The following MAML2 variants were observed in gnomAD, a reference collection of about 807,000 sequenced individuals.
MAML2 encodes mastermind like transcriptional coactivator 2.
MAML2 carries 22 observed loss-of-function variants against 96.1 expected under a neutral mutation model. That is an observed-to-expected ratio of 0.23 (90% CI 0.16 to 0.33). MAML2 has a LOEUF of 0.33. MAML2 is among the 10% of genes least tolerant of loss of function. The pLI is 1.00. For synonymous variants in MAML2, 561 were observed against 521.3 expected (o/e 1.08, Z -1.04); for missense variants, 1,367 against 1,392.4 (o/e 0.98, Z 0.29).
chr11:96,020,620 G>A (rs1161765837), intron 2 of MAML2, among the ~76,000 whole-genome samples: 4 of 152,230 alleles, frequency 2.6e-5, no homozygotes, highest in African/African-American at 9.6e-5. Flanking sequence ...CAGGCCACGT[G>A]TGAACTGATG....
At chr11:96,181,521 T>C (rs1018108936) in intron 1 of MAML2, among the ~76,000 whole-genome samples, 1 of 152,202 alleles carries the variant, frequency 6.6e-6, no homozygotes, top group Non-Finnish European at 1.5e-5. Context: ...AATAGGAAAA[T>C]CTTCCTTTAC....
At chr11:96,213,911 C>T (rs1040497306) in intron 1 of MAML2, among the ~76,000 whole-genome samples, 1 of 152,098 alleles carries the variant, frequency 6.6e-6, no homozygotes, top group Non-Finnish European at 1.5e-5. Context: ...AGTCTCCAGA[C>T]GACAGGATCA....
chr11:96,274,143 C>T (rs1469781276), intron 1 of MAML2, among the ~76,000 whole-genome samples: 7 of 144,486 alleles, frequency 4.8e-5, no homozygotes, highest in South Asian at 4.3e-4. Context: ...AGTGCAGCGG[C>T]GCCATCTTGG....
At chr11:96,056,274 T>C (rs1432913198) in intron 2 of MAML2, among the ~76,000 whole-genome samples, 4 of 151,786 alleles carry the variant, frequency 2.6e-5, no homozygotes, top group African/African-American at 9.7e-5. Context: ...AGTGGTGGGG[T>C]CTGGAGCTAG....
intron 2 of MAML2, among the ~76,000 whole-genome samples, chr11:96,061,617 T>C (rs2135779179): frequency 6.6e-6 from 1 of 152,248 alleles, no homozygotes; most frequent in South Asian, 2.1e-4. Context: ...ATGACATGAA[T>C]AAAGAGCAGA....
chr11:96,016,741 T>TA lies in MAML2; in HGVS notation c.2140-25019dup, dbSNP rs764215722. The stretch of plus-strand genomic sequence containing the variant: ...GTGGAATTATGGACTTTAGGGACAT[T>TA]AAAAAAGGGTCCATATAATAACTAT... On this transcript the variant is annotated intron_variant, in intron 2 of 4. Coordinates refer to ENST00000524717, the MANE Select transcript of MAML2 (RefSeq NM_032427.4). Among the ~76,000 whole-genome samples, 3 of 152,156 alleles carry TA rather than the reference T, an allele frequency of 2.0e-5. No homozygotes were observed. In the East Asian group the frequency reaches 5.8e-4, roughly 29 times the overall value.
intron 1 of MAML2, among the ~76,000 whole-genome samples, chr11:96,138,550 C>A (rs1053275344): frequency 6.6e-6 from 1 of 152,084 alleles, no homozygotes; most frequent in African/African-American, 2.4e-5. Flanking sequence ...TGCTAATGGG[C>A]GATCTTATTG....
intron 2 of MAML2, among the ~76,000 whole-genome samples, chr11:96,067,671 G>A (rs1859266239): frequency 6.6e-6 from 1 of 151,912 alleles, no homozygotes; most frequent in African/African-American, 2.4e-5. Context: ...GATTTGTTAT[G>A]AGAAATCTAC....
At chr11:96,010,729 T>A (rs928495990) in intron 2 of MAML2, among the ~76,000 whole-genome samples, 2 of 152,182 alleles carry the variant, frequency 1.3e-5, no homozygotes, top group Non-Finnish European at 2.9e-5. Flanking sequence ...AGATTGCATT[T>A]GTTAGAAAGA....
At chr11:96,159,575 G>A (rs957833499) in intron 1 of MAML2, among the ~76,000 whole-genome samples, 1 of 151,808 alleles carries the variant, frequency 6.6e-6, no homozygotes, top group African/African-American at 2.4e-5. Flanking sequence ...ACAGGCGCCC[G>A]CCACCATGCC....
intron 1 of MAML2, among the ~76,000 whole-genome samples, chr11:96,336,119 T>G (rs1193986537): frequency 6.6e-6 from 1 of 152,172 alleles, no homozygotes; most frequent in Non-Finnish European, 1.5e-5. Flanking sequence ...ACAAAATTAT[T>G]TTCTCATATT....
chr11:96,284,755 AAT>A (rs1330472971), intron 1 of MAML2, among the ~76,000 whole-genome samples: 1 of 152,220 alleles, frequency 6.6e-6, no homozygotes, highest in African/African-American at 2.4e-5. Context: ...AATTTGGATC[AAT>A]GTCTTATCTT....
At chr11:96,190,608 G>A (rs1861639502) in intron 1 of MAML2, among the ~76,000 whole-genome samples, 1 of 152,052 alleles carries the variant, frequency 6.6e-6, no homozygotes, top group South Asian at 2.1e-4. Context: ...CTGGAACTGG[G>A]GCCAATAAAA....
chr11:96,084,873 G>C (rs1372610048), intron 2 of MAML2, among the ~76,000 whole-genome samples: 1 of 152,142 alleles, frequency 6.6e-6, no homozygotes, highest in Non-Finnish European at 1.5e-5. Flanking sequence ...CTGAACTTAA[G>C]AGCCCGTGAA....
chr11:96,151,864 C>T (rs1052428517), intron 1 of MAML2, among the ~76,000 whole-genome samples: 1 of 152,178 alleles, frequency 6.6e-6, no homozygotes, highest in East Asian at 1.9e-4. Context: ...GAGACTAATA[C>T]AGCCCTTAGG....
intron 2 of MAML2, among the ~76,000 whole-genome samples, chr11:96,015,111 T>C (rs1858323432): frequency 6.6e-6 from 1 of 152,148 alleles, no homozygotes; most frequent in African/African-American, 2.4e-5. Context: ...AAAGTCTATC[T>C]CAGGCAGCCT....
chr11:96,182,713 AC>A lies in MAML2; in HGVS notation c.514-89197del, dbSNP rs1398978344. Among the ~76,000 whole-genome samples, 8 of 152,302 alleles carry A rather than the reference AC, an allele frequency of 5.3e-5. No homozygotes were observed. In the East Asian group the frequency reaches 1.5e-3, roughly 29 times the overall value. On this transcript the variant is annotated intron_variant, in intron 1 of 4. Transcript: ENST00000524717. ...AGTTAAGTAGCTTGCACAAGTCCAC[AC>A]AGCTAGTAAGAGGGCATACCTGAGA...
intron 1 of MAML2, among the ~76,000 whole-genome samples, chr11:96,172,027 G>T (rs1318806039): frequency 6.6e-6 from 1 of 152,254 alleles, no homozygotes; most frequent in Non-Finnish European, 1.5e-5. Flanking sequence ...GCCTTGTAGA[G>T]AGCGACACTT....
chr11:96,181,174 G>A (rs1435195850), intron 1 of MAML2, among the ~76,000 whole-genome samples: 2 of 152,188 alleles, frequency 1.3e-5, no homozygotes, highest in Admixed American at 1.3e-4. Context: ...ATACGTGCAA[G>A]TCACAGGGGA....
Sources: gnomAD v4.1 joint callset for allele counts (sites outside exome capture counted in the v4.1 genomes callset) on GRCh38, gnomAD v4.1.1 for gene constraint, MANE v1.5 for transcripts, NCBI Gene and HGNC (gene_info 2026-07-23, HGNC 2026-07-21) for gene names.